Variants in TBXAS1 observed in about 807,000 individuals in gnomAD.
TBXAS1 encodes thromboxane-A synthase.
Under a neutral mutation model 60.7 loss-of-function variants are expected in TBXAS1, and 48 were observed. The ratio of observed to expected loss-of-function variants is 0.79; its 90% confidence interval spans 0.63 to 1.01. TBXAS1 has a LOEUF of 1.01. Ranked by LOEUF, TBXAS1 falls within the 50% of genes least tolerant of loss-of-function variation. The probability of loss-of-function intolerance (pLI) is 0.00; values close to 1 mark genes in which losing one functional copy is unlikely to be tolerated. For missense variants in TBXAS1, 685 were observed against 686.3 expected (o/e 1.00, Z 0.02); for synonymous variants, 287 against 269.7 (o/e 1.06, Z -0.63).
chr7:139,838,390 A>G (rs2116548868), intron 1 of TBXAS1, among the ~76,000 whole-genome samples: 1 of 152,246 alleles, frequency 6.6e-6, no homozygotes, highest in East Asian at 1.9e-4. Context: ...TCCAACCTCT[A>G]AGCTCTGCCT....
intron 4 of TBXAS1, among the ~76,000 whole-genome samples, chr7:139,929,664 C>A (rs892036839): frequency 6.6e-6 from 1 of 152,226 alleles, no homozygotes; most frequent in Non-Finnish European, 1.5e-5. Context: ...TCCGACTGCT[C>A]AGTCCAAAAC....
At chr7:139,966,828 C>T (rs953708869) in intron 9 of TBXAS1, among the ~76,000 whole-genome samples, 7 of 152,184 alleles carry the variant, frequency 4.6e-5, no homozygotes, top group South Asian at 2.1e-4. Context: ...CTGAGGATGC[C>T]GCCCTGCGGG....
At chr7:139,879,282 A>C (rs948998831) in intron 3 of TBXAS1, among the ~76,000 whole-genome samples, 7 of 152,200 alleles carry the variant, frequency 4.6e-5, no homozygotes, top group African/African-American at 1.7e-4. Flanking sequence ...GTTCTGTGTA[A>C]ATAAAACTAC....
rs1325654484 is a variant in TBXAS1 at position 139,852,010 on chromosome 7, G to T, written c.90-20225G>T. 6.6e-6 allele frequency among the ~76,000 whole-genome samples: 1 copy of T among 152,190 alleles called. No homozygotes were observed. Among genetic ancestry groups the T allele is most frequent in the Non-Finnish European group, 1.5e-5 (1 of 68,036 alleles). Reference sequence around the variant, plus strand: ...TGGATTGCTTACTTTGGGGAAGTCAGCAGCCATGTTGAGCAGCCCTATAGG... The same window carrying T: ...TGGATTGCTTACTTTGGGGAAGTCATCAGCCATGTTGAGCAGCCCTATAGG... On this transcript the variant is annotated intron_variant, in intron 1 of 12. Coordinates refer to ENST00000448866, the MANE Select transcript of TBXAS1 (RefSeq NM_001061.7). The surrounding 1 kb of genome is among the most constrained non-coding windows in gnomAD (Gnocchi z 4.4).
At chr7:139,987,056 A>G (rs994416618) in intron 9 of TBXAS1, among the ~76,000 whole-genome samples, 5 of 152,074 alleles carry the variant, frequency 3.3e-5, no homozygotes, top group Non-Finnish European at 5.9e-5. Flanking sequence ...AGAGCTTAGC[A>G]GTGCAGTCAT....
chr7:139,993,071 C>A lies in TBXAS1; in HGVS notation c.1135-14020C>A, dbSNP rs1471945908. Among the ~76,000 whole-genome samples the A allele has an allele frequency of 2.6e-5, 4 of 152,274 alleles. No homozygotes were observed. In the East Asian group the frequency reaches 7.7e-4, roughly 29 times the overall value. Reference sequence around the variant, plus strand: ...CATTAGCTGGGCATGGTAGCGCACACCTGTAGTCCCAGCTACTTGGGAGGC... The same window carrying A: ...CATTAGCTGGGCATGGTAGCGCACAACTGTAGTCCCAGCTACTTGGGAGGC... On this transcript the variant is annotated intron_variant, in intron 9 of 12. Coordinates refer to ENST00000448866, the MANE Select transcript of TBXAS1 (RefSeq NM_001061.7).
In TBXAS1 at chr7:139,982,790, A is replaced by G. The variant is rs1812060330; in HGVS notation, c.1134+20557A>G. Among the ~76,000 whole-genome samples, 3 of 152,312 alleles carry G rather than the reference A, an allele frequency of 2.0e-5. No individual in the cohort carries two copies. The South Asian group carries it at 6.2e-4, about 32-fold the overall frequency. On this transcript the variant is annotated intron_variant, in intron 9 of 12. Transcript: ENST00000448866. ...GGTTAGAGGGTCACAGTTCAGGAAAATGAACGAGGAGGTTTTTTAAAATCT... is the reference window on the plus strand; with the variant it reads ...GGTTAGAGGGTCACAGTTCAGGAAAGTGAACGAGGAGGTTTTTTAAAATCT...
At chr7:139,970,095 T>C (rs1347635783) in intron 9 of TBXAS1, among the ~76,000 whole-genome samples, 2 of 152,104 alleles carry the variant, frequency 1.3e-5, no homozygotes, top group African/African-American at 4.8e-5. Context: ...AGGGTCTGCA[T>C]TTCTTTTTTG....
chr7:139,815,988 A>G (rs1304843418), intron 4 of TBXAS1, among the ~76,000 whole-genome samples: 1 of 152,020 alleles, frequency 6.6e-6, no homozygotes, highest in Non-Finnish European at 1.5e-5. Context: ...TGTAATCCCC[A>G]CTTGTCAAGG....
chr7:139,951,576 T>G (rs1195672702), intron 5 of TBXAS1, among the ~76,000 whole-genome samples: 1 of 98,652 alleles, frequency 1.0e-5, no homozygotes, highest in Non-Finnish European at 1.9e-5. Context: ...ATCAACATGG[T>G]GGAATCCCGT....
chr7:139,791,808 G>GT (rs10617891), intron 4 of TBXAS1, among the ~76,000 whole-genome samples: 2,311 of 70,394 alleles, frequency 0.033, 29 homozygotes, highest in Non-Finnish European at 0.079. Context: ...GGAATGTTTT[G>GT]TTTTTTTTTT....
intron 10 of TBXAS1, among the ~76,000 whole-genome samples, chr7:140,008,447 C>CTTTTT (rs35875761): frequency 7.9e-6 from 1 of 126,056 alleles, no homozygotes; most frequent in Non-Finnish European, 1.6e-5. Context: ...TTCTTTTATT[C>CTTTTT]TTTTTTTTTT....
In TBXAS1 at chr7:139,865,861, A is replaced by AG. The variant is rs1317464239; in HGVS notation, c.90-6372dup. Among the ~76,000 whole-genome samples the AG allele has an allele frequency of 2.3e-4, 20 of 86,210 alleles. 1 individual carries two copies. Among genetic ancestry groups the AG allele is most frequent in the African/African-American group, 9.5e-4 (19 of 20,076 alleles). The allele number at this position is 86,210 out of a possible 152,430, so 56.6% of individuals were successfully genotyped here. A position where few individuals can be genotyped will look rare whatever the true frequency, so the allele number is the denominator to read the frequency against. On this transcript the variant is annotated intron_variant, in intron 1 of 12. Transcript: ENST00000448866. ...GAAAGGAAGAAGGAAGGAGGGAGGGAGGAAGGAAGGAGGGAGGGAGGGAAG... is the reference window on the plus strand; with the variant it reads ...GAAAGGAAGAAGGAAGGAGGGAGGGAGGGAAGGAAGGAGGGAGGGAGGGAAG...
chr7:139,852,933 AATACAC>A lies in TBXAS1; in HGVS notation c.90-19300_90-19295del, dbSNP rs1324021971. Among the ~76,000 whole-genome samples the A allele has an allele frequency of 4.2e-4, 50 of 118,210 alleles. No homozygotes were observed. Among genetic ancestry groups the A allele is most frequent in the Middle Eastern group, 0.01 (2 of 200 alleles). The allele number at this position is 118,210 out of a possible 152,430, so 77.6% of individuals were successfully genotyped here. On this transcript the variant is annotated intron_variant, in intron 1 of 12. Transcript: ENST00000448866. This position sits in a 1 kb window ranked among gnomAD's most constrained non-coding sequence, Gnocchi z 4.4. ...CCTGTGTACCAACCTTGGCTACTCCAATACACACACACACACACACACACACACACA... is the reference window on the plus strand; with the variant it reads ...CCTGTGTACCAACCTTGGCTACTCCAACACACACACACACACACACACACA...
intron 2 of TBXAS1, among the ~76,000 whole-genome samples, chr7:139,781,456 A>G (rs981213889): frequency 6.6e-6 from 1 of 152,204 alleles, no homozygotes; most frequent in Non-Finnish European, 1.5e-5. Context: ...GAGAAGTTGG[A>G]GGACAGCCAG....
chr7:139,923,885 A>T (rs1806683800), intron 4 of TBXAS1, among the ~76,000 whole-genome samples: 1 of 152,168 alleles, frequency 6.6e-6, no homozygotes, highest in Admixed American at 6.5e-5. Flanking sequence ...ATAAGTGAGA[A>T]CATGCCAATT....
chr7:139,993,593 A>G (rs1275394735), intron 9 of TBXAS1, among the ~76,000 whole-genome samples: 1 of 152,172 alleles, frequency 6.6e-6, no homozygotes, highest in Non-Finnish European at 1.5e-5. Flanking sequence ...TGACCCGAGA[A>G]GCATGCTCCA....
At chr7:139,903,505 T>C (rs768004194) in intron 3 of TBXAS1, among the ~76,000 whole-genome samples, 6 of 152,090 alleles carry the variant, frequency 3.9e-5, no homozygotes, top group Non-Finnish European at 7.3e-5. Context: ...TTTTAGTTCT[T>C]TAAGGAAACT....
chr7:139,957,865 C>T (rs529940237), intron 8 of TBXAS1, 101 bp downstream of exon 8: 1 of 1,531,346 alleles, frequency 6.5e-7, no homozygotes, highest in African/African-American at 1.4e-5. Context: ...GCACATCACA[C>T]CGTGCCGTCC....
Sources: gnomAD v4.1 joint callset for allele counts (sites outside exome capture counted in the v4.1 genomes callset) on GRCh38, gnomAD v4.1.1 for gene constraint, Gnocchi (gnomAD v3.1) non-coding constraint, MANE v1.5 for transcripts, NCBI Gene and HGNC (gene_info 2026-07-23, HGNC 2026-07-21) for gene names.